The following NTRK3 variants were observed in gnomAD, a reference collection of about 807,000 sequenced individuals.
The protein encoded by NTRK3 is NT-3 growth factor receptor.
Under a neutral mutation model 91.7 loss-of-function variants are expected in NTRK3, and 24 were observed. The observed-to-expected ratio is 0.26, with a 90% confidence interval of 0.19 to 0.37. The LOEUF (loss-of-function observed/expected upper bound fraction) is 0.37, where lower values mean the gene tolerates loss of function less well. NTRK3 is among the 10% of genes least tolerant of loss of function. The pLI is 1.00. For synonymous variants in NTRK3, 483 were observed against 404.0 expected (o/e 1.20, Z -2.34); for missense variants, 880 against 1,068.9 (o/e 0.82, Z 2.46).
chr15:88,102,922 T>G (rs1160838835), intron 13 of NTRK3, among the ~76,000 whole-genome samples: 1 of 152,178 alleles, frequency 6.6e-6, no homozygotes, highest in East Asian at 1.9e-4. Context: ...GTTTTGATGG[T>G]CCCTGCCATA....
exon 19 of NTRK3, chr15:87,872,117 C>T (rs1596039293): frequency 9.0e-6 from 2 of 221,742 alleles, no homozygotes; most frequent in East Asian, 1.3e-4. Context: ...AGCAGGTTGG[C>T]TCCCTACCAA....
intron 17 of NTRK3, among the ~76,000 whole-genome samples, chr15:87,907,550 A>G (rs759727763): frequency 6.6e-6 from 1 of 152,130 alleles, no homozygotes; most frequent in Admixed American, 6.5e-5. Flanking sequence ...ATTAGAAACC[A>G]GAAGCTTCTC....
intron 3 of NTRK3, among the ~76,000 whole-genome samples, chr15:88,199,445 T>C (rs1042916934): frequency 5.9e-5 from 9 of 152,168 alleles, no homozygotes; most frequent in African/African-American, 1.7e-4. Flanking sequence ...CCCTAGTAAA[T>C]GTTGCATGGA....
At chr15:88,103,827 C>T (rs999599596) in intron 13 of NTRK3, among the ~76,000 whole-genome samples, 1 of 152,196 alleles carries the variant, frequency 6.6e-6, no homozygotes, top group Admixed American at 6.5e-5. Flanking sequence ...AAGCTCCTTA[C>T]ATTTTGAGAG....
intron 17 of NTRK3, among the ~76,000 whole-genome samples, chr15:87,902,808 C>T (rs1254272239): frequency 6.6e-6 from 1 of 151,914 alleles, no homozygotes; most frequent in East Asian, 1.9e-4. Context: ...TAGAAATGAA[C>T]CAAAGAAAAA....
At chr15:88,236,951 C>T (rs1343876504) in intron 3 of NTRK3, among the ~76,000 whole-genome samples, 1 of 152,044 alleles carries the variant, frequency 6.6e-6, no homozygotes, top group Non-Finnish European at 1.5e-5. Flanking sequence ...GTCCCACAGG[C>T]GTGCGCATCT....
intron 17 of NTRK3, among the ~76,000 whole-genome samples, chr15:87,902,620 A>G (rs1292080042): frequency 6.8e-6 from 1 of 146,422 alleles, no homozygotes; most frequent in Admixed American, 7.1e-5. Context: ...CTTAGAATGA[A>G]GCCAACACTA....
At chr15:87,953,096 A>C (rs1159408675) in intron 14 of NTRK3, among the ~76,000 whole-genome samples, 1 of 152,196 alleles carries the variant, frequency 6.6e-6, no homozygotes, top group Non-Finnish European at 1.5e-5. Context: ...CTGACTTCCA[A>C]GAGTTTCCCC....
intron 18 of NTRK3, among the ~76,000 whole-genome samples, 166 bp from the exon 20 acceptor site, chr15:87,877,286 T>C (rs2064993229): frequency 1.3e-5 from 2 of 152,216 alleles, no homozygotes; most frequent in Non-Finnish European, 2.9e-5. Context: ...GGTATATTTG[T>C]CTGTCTGGTG....
intron 17 of NTRK3, among the ~76,000 whole-genome samples, chr15:87,894,203 A>C (rs1481245823): frequency 6.6e-6 from 1 of 152,152 alleles, no homozygotes; most frequent in African/African-American, 2.4e-5. Flanking sequence ...GGCCTGTTCC[A>C]CCTTGCTTGG....
At chr15:87,952,466 G>C (rs939658764) in intron 14 of NTRK3, among the ~76,000 whole-genome samples, 1 of 152,080 alleles carries the variant, frequency 6.6e-6, no homozygotes, top group Admixed American at 6.5e-5. Flanking sequence ...GTGTGCAGTG[G>C]AGCGCTGGTG....
intron 14 of NTRK3, among the ~76,000 whole-genome samples, chr15:88,004,312 A>G (rs1244377191): frequency 6.6e-6 from 1 of 152,218 alleles, no homozygotes; most frequent in East Asian, 1.9e-4. Context: ...CAAAAGTTAT[A>G]AACTATAGGA....
intron 3 of NTRK3, among the ~76,000 whole-genome samples, chr15:88,246,165 C>G (rs948133306): frequency 5.3e-5 from 8 of 152,206 alleles, no homozygotes; most frequent in African/African-American, 1.7e-4. Context: ...GTGCATGGAA[C>G]AAGACAGCAC....
chr15:87,896,694 A>T (rs1160102102), intron 17 of NTRK3, among the ~76,000 whole-genome samples: 2 of 152,126 alleles, frequency 1.3e-5, no homozygotes, highest in African/African-American at 4.8e-5. Context: ...TCTGATCTAC[A>T]ATACATGAGT....
At chr15:88,175,511 T>G (rs1567585040) in intron 5 of NTRK3, among the ~76,000 whole-genome samples, 1 of 152,246 alleles carries the variant, frequency 6.6e-6, no homozygotes, top group Non-Finnish European at 1.5e-5. Flanking sequence ...GACGATCAAT[T>G]TTAGAATATT....
chr15:88,053,139 G>A (rs1302943093), intron 13 of NTRK3, among the ~76,000 whole-genome samples: 1 of 152,124 alleles, frequency 6.6e-6, no homozygotes, highest in Non-Finnish European at 1.5e-5. Context: ...CTAAGGGGAG[G>A]GCAACAGAAT....
At chr15:87,875,923 C>G (rs965675306) in exon 19 of NTRK3, 5 of 231,986 alleles carry the variant, frequency 2.2e-5, no homozygotes, top group African/African-American at 1.1e-4. Flanking sequence ...TATTGCAACC[C>G]TAAAGCGTGC....
intron 13 of NTRK3, among the ~76,000 whole-genome samples, chr15:88,124,807 C>G (rs780834357): frequency 2.6e-5 from 4 of 152,186 alleles, no homozygotes; most frequent in Non-Finnish European, 4.4e-5. Flanking sequence ...GGATTCCAGC[C>G]AAACTTCCAT....
chr15:87,945,702 G>T (rs1440091255), intron 14 of NTRK3, among the ~76,000 whole-genome samples: 2 of 151,224 alleles, frequency 1.3e-5, no homozygotes, highest in African/African-American at 2.4e-5. Context: ...GAGAATGAGG[G>T]CAGGGAGGTG....
Sources: gnomAD v4.1 joint callset for allele counts (sites outside exome capture counted in the v4.1 genomes callset) on GRCh38, gnomAD v4.1.1 for gene constraint, MANE v1.5 for transcripts, NCBI Gene and HGNC (gene_info 2026-07-23, HGNC 2026-07-21) for gene names.